Variants in DIP2B observed in about 807,000 individuals in gnomAD.
DIP2B encodes disco-interacting protein 2 homolog B.
In DIP2B, 76 loss-of-function variants were observed where a neutral mutation model predicts 198.0. That is an observed-to-expected ratio of 0.38 (90% CI 0.32 to 0.46). DIP2B has a LOEUF of 0.46. DIP2B is among the 20% of genes least tolerant of loss of function. The probability of loss-of-function intolerance (pLI) is 0.99; values close to 1 mark genes in which losing one functional copy is unlikely to be tolerated. For missense variants in DIP2B, 1,559 were observed against 1,978.4 expected (o/e 0.79, Z 4.02); for synonymous variants, 701 against 739.1 (o/e 0.95, Z 0.84).
At chr12:50,643,281 C>A (rs1938291213) in intron 3 of DIP2B, among the ~76,000 whole-genome samples, 1 of 151,774 alleles carries the variant, frequency 6.6e-6, no homozygotes, top group Non-Finnish European at 1.5e-5. Context: ...TTTGATTATC[C>A]CAAGTATTAG....
In DIP2B at chr12:50,671,281, A is replaced by G. The variant is rs1275381287; in HGVS notation, c.523A>G (p.Ile175Val). 1 of 1,614,036 alleles carries G rather than the reference A, an allele frequency of 6.2e-7. No individual in the cohort carries two copies. Among genetic ancestry groups the G allele is most frequent in the Non-Finnish European group, 8.5e-7 (1 of 1,180,034 alleles). Residue 175 changes from isoleucine (I) to valine (V), a missense_variant, in exon 5 of 38, where the codon ATC becomes GTC. Coordinates refer to ENST00000301180, the MANE Select transcript of DIP2B (RefSeq NM_173602.3). ...GAGCTTACAGAATGCTGAGTCCTGG[A>G]TCAACCGTTCAATTCAGGGATCGTC... ...QQSLQNAESW[I>V]NRSIQGSSTS...
At chr12:50,532,140 G>A (rs1958223936) in intron 1 of DIP2B, among the ~76,000 whole-genome samples, 1 of 152,210 alleles carries the variant, frequency 6.6e-6, no homozygotes, top group Non-Finnish European at 1.5e-5. Context: ...GATGGGAGCA[G>A]AGGCAGATAC....
chr12:50,723,350 TC>T (rs1565882574), intron 27 of DIP2B, 27 bp downstream of exon 27: 1 of 1,611,728 alleles, frequency 6.2e-7, no homozygotes, highest in Non-Finnish European at 8.5e-7. Context: ...TCTTGCCTTG[TC>T]CTCATCTCCT....
chr12:50,580,755 A>G (rs1565832383), intron 1 of DIP2B, among the ~76,000 whole-genome samples: 1 of 148,520 alleles, frequency 6.7e-6, no homozygotes, highest in Non-Finnish European at 1.5e-5. Context: ...GGGGGATGAA[A>G]TTGCTACTGG....
At position 50,737,097 on chromosome 12, in the gene DIP2B, C is replaced by G; in HGVS notation, c.4163C>G (p.Ser1388Cys). 6.2e-7 allele frequency: 1 copy of G among 1,613,996 alleles called. No individual in the cohort carries two copies. The highest frequency in any genetic ancestry group is 1.1e-5 in the South Asian group (1 of 91,064). Residue 1388 changes from serine (S) to cysteine (C), a missense_variant, in exon 35 of 38, where the codon TCT (serine) becomes TGT (cysteine). Transcript: ENST00000301180. Reference protein sequence around the residue: ...NPETKGPVGDSHLGEIWVNSP... With the variant: ...NPETKGPVGDCHLGEIWVNSP... ...GAGACCAAAGGGCCGGTTGGAGACTCTCACCTTGGAGAGGTTTGTAATAAT... is the reference window on the plus strand; with the variant it reads ...GAGACCAAAGGGCCGGTTGGAGACTGTCACCTTGGAGAGGTTTGTAATAAT...
At chr12:50,717,722 T>A (rs1333199594) in intron 23 of DIP2B, among the ~76,000 whole-genome samples, 2 of 151,412 alleles carry the variant, frequency 1.3e-5, no homozygotes, top group African/African-American at 2.4e-5. Flanking sequence ...CCAAGTAGCC[T>A]GGACTAAAGA....
At chr12:50,645,118 A>G (rs1938327618) in intron 3 of DIP2B, among the ~76,000 whole-genome samples, 1 of 152,240 alleles carries the variant, frequency 6.6e-6, no homozygotes, top group Admixed American at 6.5e-5. Flanking sequence ...TTCCAAGGAC[A>G]CTACAATTGT....
intron 1 of DIP2B, among the ~76,000 whole-genome samples, chr12:50,512,461 CT>C (rs1958026892): frequency 6.6e-6 from 1 of 151,430 alleles, no homozygotes; most frequent in Non-Finnish European, 1.5e-5. Flanking sequence ...TTTTAAATAA[CT>C]CACAACTATT....
chr12:50,602,800 A>C (rs1193119272), intron 1 of DIP2B, among the ~76,000 whole-genome samples: 1 of 146,290 alleles, frequency 6.8e-6, no homozygotes. Flanking sequence ...TGGAGGTTGC[A>C]GTGAGCCGAG....
intron 1 of DIP2B, among the ~76,000 whole-genome samples, chr12:50,555,956 A>G (rs991354816): frequency 6.6e-6 from 1 of 152,126 alleles, no homozygotes; most frequent in Non-Finnish European, 1.5e-5. Flanking sequence ...AGCAAAAACC[A>G]CACACCAATC....
intron 4 of DIP2B, among the ~76,000 whole-genome samples, chr12:50,665,151 A>G (rs1239453416): frequency 2.0e-5 from 3 of 152,024 alleles, no homozygotes; most frequent in Non-Finnish European, 2.9e-5. Context: ...CTATATTTCT[A>G]TATATGAAAA....
intron 1 of DIP2B, among the ~76,000 whole-genome samples, chr12:50,511,627 C>A (rs1380164258): frequency 1.3e-5 from 2 of 150,542 alleles, no homozygotes; most frequent in Non-Finnish European, 3.0e-5. Context: ...AATTGCTTTT[C>A]ATTTTATCTC....
intron 3 of DIP2B, among the ~76,000 whole-genome samples, chr12:50,644,743 G>A (rs1446987301): frequency 1.3e-5 from 2 of 152,180 alleles, no homozygotes; most frequent in African/African-American, 4.8e-5. Flanking sequence ...GTGAATGCCT[G>A]TGACAGGGAA....
At chr12:50,626,794 T>G (rs1937944956) in intron 2 of DIP2B, among the ~76,000 whole-genome samples, 3 of 149,210 alleles carry the variant, frequency 2.0e-5, no homozygotes, top group Admixed American at 2.0e-4. Context: ...TTTTTTTTAC[T>G]GAATTATAAA....
chr12:50,539,274 A>G (rs956871327), intron 1 of DIP2B, among the ~76,000 whole-genome samples: 3 of 144,104 alleles, frequency 2.1e-5, no homozygotes, highest in Non-Finnish European at 4.5e-5. Flanking sequence ...TCTGTCGCCT[A>G]GGCTGGAGTG....
rs11306905 is a variant in DIP2B at position 50,697,533 on chromosome 12, C to CTTTTTTTTT, written c.2048+377_2048+385dup. ...ATGTGTGTGTGTGTATATAGATATA[C>CTTTTTTTTT]TTTTTTTTTTTTTTTTTTTTTTTTT... On this transcript the variant is annotated intron_variant, in intron 17 of 37. Transcript: ENST00000301180. 1.1e-4 allele frequency among the ~76,000 whole-genome samples: 5 copies of CTTTTTTTTT among 45,960 alleles called. 1 individual carries two copies. The highest frequency in any genetic ancestry group is 4.0e-4 in the African/African-American group (4 of 10,116). The allele number at this position is 45,960 out of a possible 152,430, so 30.2% of individuals were successfully genotyped here.
intron 28 of DIP2B, among the ~76,000 whole-genome samples, chr12:50,725,524 A>G (rs4768907): frequency 0.29 from 44,402 of 152,080 alleles, 6,711 homozygotes; most frequent in East Asian, 0.41. Flanking sequence ...TCAGGCAGGT[A>G]GGGTTTAAGT....
rs191761603 is a variant in DIP2B at position 50,612,224 on chromosome 12, G to A, written c.101-13752G>A. On this transcript the variant is annotated intron_variant, in intron 1 of 37. Coordinates refer to ENST00000301180, the MANE Select transcript of DIP2B (RefSeq NM_173602.3). ...ATTGCACGACTGCACTCCAGCCTGG[G>A]CCACAGAGTGAGACCCTGTCTCGAA... Among the ~76,000 whole-genome samples, 757 of 152,178 alleles carry A rather than the reference G, an allele frequency of 5.0e-3. 3 individuals carry two copies. The highest frequency in any genetic ancestry group is 0.01 in the Middle Eastern group (3 of 292).
chr12:50,581,200 G>A lies in DIP2B; in HGVS notation c.101-44776G>A, dbSNP rs72644878. 7.7e-3 allele frequency among the ~76,000 whole-genome samples: 1,157 copies of A among 149,388 alleles called. 229 individuals are homozygous for A. In the East Asian group the frequency reaches 0.15, roughly 20 times the overall value. On this transcript the variant is annotated intron_variant, in intron 1 of 37. Coordinates refer to ENST00000301180, the MANE Select transcript of DIP2B (RefSeq NM_173602.3). ...ATGACTTTCAAAAACACAGATTTCT[G>A]GCCCAATTGAGACTTTAAAAGAACT...
Sources: gnomAD v4.1 joint callset for allele counts (sites outside exome capture counted in the v4.1 genomes callset) on GRCh38, gnomAD v4.1.1 for gene constraint, MANE v1.5 for transcripts, NCBI Gene and HGNC (gene_info 2026-07-23, HGNC 2026-07-21) for gene names.